GRIP2: variants seen among roughly 807,000 people sequenced by gnomAD.
The protein encoded by GRIP2 is glutamate receptor-interacting protein 2.
A neutral mutation model predicts 108.3 loss-of-function variants in GRIP2; 58 were observed. The ratio of observed to expected loss-of-function variants is 0.54; its 90% CI spans 0.43 to 0.67. The LOEUF is 0.67. Ranked by LOEUF, GRIP2 falls within the 30% of genes least tolerant of loss-of-function variation. The pLI is 0.00. For synonymous variants in GRIP2, 586 were observed against 598.2 expected (o/e 0.98, Z 0.30); for missense variants, 1,278 against 1,430.6 (o/e 0.89, Z 1.72).
intron 2 of GRIP2, 75 bp downstream of exon 2, chr3:14,525,776 T>C (rs888650872): frequency 3.5e-6 from 5 of 1,430,490 alleles, no homozygotes; most frequent in South Asian, 1.2e-5. Flanking sequence ...GGCAGAGCCG[T>C]TGCCATCTGA....
intron 16 of GRIP2, among the ~76,000 whole-genome samples, chr3:14,510,504 C>A (rs6778808): frequency 0.064 from 9,768 of 151,984 alleles, 997 homozygotes; most frequent in African/African-American, 0.22. Flanking sequence ...GGCTTAAGTG[C>A]TCCACCCACC....
At chr3:14,595,639 A>G in the GRIP2 span, among the ~76,000 whole-genome samples, 1 of 152,296 alleles carries the variant, frequency 6.6e-6, no homozygotes, top group Non-Finnish European at 1.5e-5. Context: ...TGTCTGAGAC[A>G]CCCACCCAGC....
the GRIP2 span, among the ~76,000 whole-genome samples, chr3:14,586,772 A>G: frequency 2.6e-5 from 4 of 152,360 alleles, no homozygotes; most frequent in African/African-American, 9.6e-5. Context: ...TAAAAAGCCC[A>G]GTGCTGAGAC....
chr3:14,494,846 C>CGA lies in GRIP2; in HGVS notation c.2966_2967insTC (p.Gln990ArgfsTer29), dbSNP rs773057971. On this transcript the variant is annotated frameshift_variant, in exon 23 of 24. Coordinates refer to ENST00000621039, the MANE Select transcript of GRIP2 (RefSeq NM_001080423.4). LOFTEE classifies it high-confidence loss of function. ...GGAGCCCCTGCCCCAGCATTACCTGCAGGACCCTGTCGAAGGGCTGGAGGC... is the reference window on the plus strand; with the variant it reads ...GGAGCCCCTGCCCCAGCATTACCTGCGAAGGACCCTGTCGAAGGGCTGGAGGC... The CGA allele has an allele frequency of 6.2e-7, 1 of 1,612,510 alleles. No individual in the cohort carries two copies. The highest frequency in any genetic ancestry group is 8.5e-7 in the Non-Finnish European group (1 of 1,178,994).
At chr3:14,536,810 T>G (rs527954387) in intron 1 of GRIP2, among the ~76,000 whole-genome samples, 238 of 152,334 alleles carry the variant, frequency 1.6e-3, no homozygotes, top group African/African-American at 5.3e-3. Context: ...GGCGGCTGCC[T>G]GCAGTCACAA....
At chr3:14,552,527 G>C (rs960347012) in intron 1 of GRIP2, among the ~76,000 whole-genome samples, 5 of 151,916 alleles carry the variant, frequency 3.3e-5, no homozygotes, top group African/African-American at 1.2e-4. Flanking sequence ...TATAGTCCTG[G>C]CTCCTCACCT....
upstream of GRIP2, among the ~76,000 whole-genome samples, chr3:14,560,180 G>A (rs551325880): frequency 5.8e-4 from 89 of 152,210 alleles, no homozygotes; most frequent in Non-Finnish European, 8.1e-4. Flanking sequence ...CTTGAGCCCA[G>A]GAGTTTGAGG....
chr3:14,573,012 C>T, the GRIP2 span: 1 of 1,447,382 alleles, frequency 6.9e-7, no homozygotes, highest in Non-Finnish European at 9.7e-7. Flanking sequence ...GATGATCAGG[C>T]AGCATTTCCA....
chr3:14,570,140 C>A, the GRIP2 span, among the ~76,000 whole-genome samples: 1 of 152,144 alleles, frequency 6.6e-6, no homozygotes, highest in Non-Finnish European at 1.5e-5. Context: ...GGGAAACATG[C>A]CCCAGAGGAG....
At position 14,512,245 on chromosome 3, in the gene GRIP2, T is replaced by C; in HGVS notation, c.1720+532A>G. On this transcript the variant is annotated intron_variant, in intron 14 of 23. Coordinates refer to ENST00000621039, the MANE Select transcript of GRIP2 (RefSeq NM_001080423.4). This position sits in a 1 kb window ranked among gnomAD's most constrained non-coding sequence, Gnocchi z 5.1. ...AGTCGGGAGATGAGGTCAGAGGTCA[T>C]GGGGTCCAGAGCACAGAGGGCCTCA... is the stretch of plus-strand genomic sequence containing the variant. 6.6e-6 allele frequency among the ~76,000 whole-genome samples: 1 copy of C among 152,080 alleles called. No individual in the cohort carries two copies. The highest frequency in any genetic ancestry group is 1.9e-4 in the East Asian group (1 of 5,178).
chr3:14,602,497 C>A, the GRIP2 span, among the ~76,000 whole-genome samples: 1 of 152,030 alleles, frequency 6.6e-6, no homozygotes, highest in African/African-American at 2.4e-5. The surrounding 1 kb of genome is among the most constrained non-coding windows in gnomAD (Gnocchi z 4.7). Flanking sequence ...AGCGCGGCCA[C>A]CTCCCGACAC....
chr3:14,513,809 AC>A lies in GRIP2; in HGVS notation c.1494del (p.Arg498SerfsTer61), dbSNP rs1316798287. On this transcript the variant is annotated frameshift_variant and splice_region_variant, in exon 13 of 24. Transcript: ENST00000621039. LOFTEE classifies it high-confidence loss of function. ...CGGTCCCCCACCTGCAGCAGCCCAC[AC>A]CTGAACCCAGGGGGCCCGGCAGAGA... ...CFIEPDSPAE[R>X]CGLLQVGDRV... The A allele has an allele frequency of 6.2e-7, 1 of 1,612,242 alleles. No homozygotes were observed.
At chr3:14,546,140 G>T (rs548372961), upstream of GRIP2, among the ~76,000 whole-genome samples, 54 of 152,320 alleles carry the variant, frequency 3.5e-4, no homozygotes, top group South Asian at 1.0e-3. Flanking sequence ...TGTGGGTGGG[G>T]TAGAGGGAGG....
At chr3:14,501,682 T>A (rs990608156) in intron 21 of GRIP2, among the ~76,000 whole-genome samples, 4 of 152,146 alleles carry the variant, frequency 2.6e-5, no homozygotes, top group African/African-American at 9.7e-5. Context: ...GATCTATGGG[T>A]GGTGGGAATG....
intron 1 of GRIP2, among the ~76,000 whole-genome samples, chr3:14,551,882 G>A (rs1695155527): frequency 6.6e-6 from 1 of 152,082 alleles, no homozygotes; most frequent in Non-Finnish European, 1.5e-5. Context: ...CTGCAAATGG[G>A]GCAATTTAGT....
the GRIP2 span, among the ~76,000 whole-genome samples, chr3:14,590,909 T>G: frequency 1.3e-5 from 2 of 152,204 alleles, no homozygotes; most frequent in Admixed American, 1.3e-4. Context: ...AACGTTCTAC[T>G]CCATTGAAAA....
At chr3:14,504,285 C>T (rs1265193154) in intron 20 of GRIP2, among the ~76,000 whole-genome samples, 1 of 151,296 alleles carries the variant, frequency 6.6e-6, no homozygotes, top group East Asian at 1.9e-4. Flanking sequence ...ACAAGGCATG[C>T]TGTGATTTAC....
rs1162595714 is a variant in GRIP2 at position 14,520,458 on chromosome 3, G to A, written c.792C>T (p.Thr264=). ...CTGACTTGTTCCGGAGGGAGGTGGTGGTGAGCGAGATCCCCAGGGCAGACC... is the reference window on the plus strand; with the variant it reads ...CTGACTTGTTCCGGAGGGAGGTGGTAGTGAGCGAGATCCCCAGGGCAGACC... ...TPGSALGISL[T]TTSLRNKSVI... is the part of the protein sequence containing the mutation. Residue 264 remains threonine, a synonymous_variant, in exon 8 of 24, where the codon ACC becomes ACT. Coordinates refer to ENST00000621039, the MANE Select transcript of GRIP2 (RefSeq NM_001080423.4). The A allele has an allele frequency of 5.0e-6, 8 of 1,613,950 alleles. No individual in the cohort carries two copies. Among genetic ancestry groups the A allele is most frequent in the Non-Finnish European group, 6.8e-6 (8 of 1,179,870 alleles).
Position 14,505,231 on chromosome 3 carries a change from G to A in GRIP2, c.2573+384C>T, listed in dbSNP as rs539035297. On this transcript the variant is annotated intron_variant, in intron 20 of 23. Transcript: ENST00000621039. This position sits in a 1 kb window ranked among gnomAD's most constrained non-coding sequence, Gnocchi z 4.2. ...GCCTTCTCCAGCGGCTCAGCCACTCGGCACAGCCCAGGGATGGTGCCGGTG... is the reference window on the plus strand; with the variant it reads ...GCCTTCTCCAGCGGCTCAGCCACTCAGCACAGCCCAGGGATGGTGCCGGTG... Among the ~76,000 whole-genome samples, 204 of 152,268 alleles carry A rather than the reference G, an allele frequency of 1.3e-3. No homozygotes were observed. The highest frequency in any genetic ancestry group is 2.3e-3 in the Non-Finnish European group (158 of 68,014).
Sources: gnomAD v4.1 joint callset for allele counts (sites outside exome capture counted in the v4.1 genomes callset) on GRCh38, gnomAD v4.1.1 for gene constraint, Gnocchi (gnomAD v3.1) non-coding constraint, MANE v1.5 for transcripts, NCBI Gene and HGNC (gene_info 2026-07-23, HGNC 2026-07-21) for gene names.